Variants in NDE1 observed in about 807,000 individuals in gnomAD.
NDE1 encodes the protein nudE neurodevelopment protein 1, also known as nuclear distribution protein nudE homolog 1.
Under a neutral mutation model 43.4 loss-of-function variants are expected in NDE1, and 28 were observed. The observed-to-expected ratio is 0.65, with a 90% confidence interval of 0.48 to 0.89. The LOEUF is 0.89. Ranked by LOEUF, NDE1 falls within the 40% of genes least tolerant of loss-of-function variation. The pLI, the probability that NDE1 is intolerant of heterozygous loss-of-function variation, is 0.00. For missense variants in NDE1, 441 were observed against 434.1 expected (o/e 1.02, Z -0.14); for synonymous variants, 184 against 172.0 (o/e 1.07, Z -0.55).
At chr16:15,707,485 A>G (rs1010552278) in intron 8 of NDE1, among the ~76,000 whole-genome samples, 9 of 152,166 alleles carry the variant, frequency 5.9e-5, no homozygotes, top group Non-Finnish European at 1.2e-4. Context: ...TATGATCCCA[A>G]TCAGCTGGTA....
intron 1 of NDE1, among the ~76,000 whole-genome samples, chr16:15,644,678 G>A (rs2036273803): frequency 1.3e-5 from 2 of 152,278 alleles, no homozygotes; most frequent in Middle Eastern, 3.4e-3. Context: ...TTTCCAAGTG[G>A]AGATTAGAAT....
Position 15,724,822 on chromosome 16 carries a change from T to C in NDE1, c.*571T>C. Reference sequence around the variant, plus strand: ...CTCCTGCAAAAGGGATGCAAAGAGGTCCCAGGGACCTGCCCCGAGGAAGGC... The same window carrying C: ...CTCCTGCAAAAGGGATGCAAAGAGGCCCCAGGGACCTGCCCCGAGGAAGGC... On this transcript the variant is annotated 3_prime_UTR_variant, in exon 9 of 9. Coordinates refer to ENST00000396354, the MANE Select transcript of NDE1 (RefSeq NM_017668.3). The C allele has an allele frequency of 6.2e-7, 1 of 1,612,744 alleles. No individual in the cohort carries two copies. The highest frequency in any genetic ancestry group is 8.5e-7 in the Non-Finnish European group (1 of 1,179,810).
At chr16:15,721,476 C>A in intron 8 of NDE1, 1 of 1,614,192 alleles carries the variant, frequency 6.2e-7, no homozygotes, top group Non-Finnish European at 8.5e-7. Flanking sequence ...CGGCTTTGAG[C>A]ATTTTGTTGG....
intron 8 of NDE1, chr16:15,703,129 A>C: frequency 5.5e-6 from 1 of 182,642 alleles, no homozygotes; most frequent in Non-Finnish European, 1.2e-5. Context: ...AGAAAAGCCA[A>C]CGACATTGTG....
intron 4 of NDE1, chr16:15,687,052 G>C (rs1027395789): frequency 2.5e-6 from 3 of 1,219,444 alleles, no homozygotes; most frequent in Non-Finnish European, 3.1e-6. Flanking sequence ...AGAAGATGGA[G>C]CATAGTGGTC....
At chr16:15,660,474 T>TA (rs34754504) in intron 1 of NDE1, among the ~76,000 whole-genome samples, 3,920 of 150,358 alleles carry the variant, frequency 0.026, 104 homozygotes, top group African/African-American at 0.065. Context: ...CCCTATCTCT[T>TA]AAAAAAAAAA....
chr16:15,696,788 G>A lies in NDE1; in HGVS notation c.875G>A (p.Gly292Glu), dbSNP rs749016432. 1 of 1,614,198 alleles carries A rather than the reference G, an allele frequency of 6.2e-7. No individual in the cohort carries two copies. Among genetic ancestry groups the A allele is most frequent in the South Asian group, 1.1e-5 (1 of 91,086 alleles). ...SPNRTGGPAS[G>E]RSSKNRDGGE... The stretch of plus-strand genomic sequence containing the variant: ...AACCGAACAGGTGGCCCAGCCTCTG[G>A]GCGGAGCAGCAAGAACAGAGATGGC... Residue 292 changes from glycine (G) to glutamate (E), a missense_variant, in exon 8 of 9, where the codon GGG becomes GAG. Coordinates refer to ENST00000396354, the MANE Select transcript of NDE1 (RefSeq NM_017668.3).
rs199730431 is a variant in NDE1, at chr16:15,696,745, G to T, written c.832G>T (p.Val278Leu). Residue 278 changes from valine (V) to leucine (L), a missense_variant, in exon 8 of 9, where the codon GTG becomes TTG. Physicochemically the swap from Val to Leu is conservative, Grantham distance 32 (BLOSUM62 1). Transcript: ENST00000396354. ...ESKLASCRNL[V>L]YDQSPNRTGG... ...CAAACTCGCTTCCTGCCGGAACCTC[G>T]TGTACGATCAGTCCCCAAACCGAAC... The T allele has an allele frequency of 3.7e-6, 6 of 1,614,206 alleles. No individual in the cohort carries two copies. The Admixed American group carries it at 6.7e-5, about 18-fold the overall frequency.
At chr16:15,678,020 T>C in intron 4 of NDE1, 71 bp downstream of exon 4, 1 of 1,574,756 alleles carries the variant, frequency 6.4e-7, no homozygotes, top group Non-Finnish European at 8.7e-7. Context: ...AGCTGGGTAC[T>C]GGGCCCTGTG....
At chr16:15,668,511 T>A (rs2037429517) in intron 3 of NDE1, among the ~76,000 whole-genome samples, 2 of 152,250 alleles carry the variant, frequency 1.3e-5, no homozygotes, top group South Asian at 4.1e-4. Context: ...GCAGTCCTCC[T>A]GCCTTGGCCT....
chr16:15,692,555 T>G (rs1251225535), intron 6 of NDE1, among the ~76,000 whole-genome samples: 3 of 149,578 alleles, frequency 2.0e-5, no homozygotes, highest in Middle Eastern at 3.6e-3. Context: ...GAATTACAGG[T>G]GCCCACCACC....
intron 4 of NDE1, among the ~76,000 whole-genome samples, chr16:15,681,542 T>C (rs1045557697): frequency 1.3e-5 from 2 of 152,106 alleles, no homozygotes; most frequent in Non-Finnish European, 2.9e-5. Flanking sequence ...ATTATAGGCA[T>C]GAGCCACCAT....
rs1596675911 is a variant in NDE1, at chr16:15,708,964, T to G, written c.947+12104T>G. 31 of 1,038,748 alleles carry G rather than the reference T, an allele frequency of 3.0e-5. No homozygotes were observed. The East Asian group carries it at 8.0e-4, about 27-fold the overall frequency. The allele number at this position is 1,038,748 out of a possible 1,614,324, so 64.3% of individuals were successfully genotyped here. A position where few individuals can be genotyped will look rare whatever the true frequency, so the allele number is the denominator to read the frequency against. On this transcript the variant is annotated intron_variant, in intron 8 of 8. Coordinates refer to ENST00000396354, the MANE Select transcript of NDE1 (RefSeq NM_017668.3). ...AATAATTAAAGGCACTCTTTTTTATTTTGAGATAGTCTCTGTCACCCAGGC... is the reference window on the plus strand; with the variant it reads ...AATAATTAAAGGCACTCTTTTTTATGTTGAGATAGTCTCTGTCACCCAGGC...
chr16:15,666,996 A>G (rs2037339213), intron 2 of NDE1, among the ~76,000 whole-genome samples: 2 of 152,206 alleles, frequency 1.3e-5, no homozygotes, highest in South Asian at 4.1e-4. Flanking sequence ...CTGTAATCCC[A>G]GCACTTTGAG....
chr16:15,643,430 A>G, exon 1 of NDE1: 1 of 458,090 alleles, frequency 2.2e-6, no homozygotes, highest in Non-Finnish European at 4.5e-6. Flanking sequence ...GTCGAAAGGA[A>G]CCTTGAAGCG....
At chr16:15,714,766 G>A in intron 8 of NDE1, 3 of 1,086,280 alleles carry the variant, frequency 2.8e-6, no homozygotes, top group Non-Finnish European at 4.1e-6. Flanking sequence ...TAAGCTTAGT[G>A]ATTAAGGAGA....
chr16:15,711,436 A>T (rs1015196333), intron 8 of NDE1, among the ~76,000 whole-genome samples: 4 of 152,228 alleles, frequency 2.6e-5, no homozygotes, highest in Admixed American at 6.5e-5. Flanking sequence ...ATAGCTAGAT[A>T]TTGAACTTGA....
At position 15,678,604 on chromosome 16, in the gene NDE1, G is replaced by A. The variant is rs577446286; in HGVS notation, c.386+655G>A. Reference sequence around the variant, plus strand: ...GGTCTCAAACTCCTTAGCCTCCAAAGTGCTGTGATTACAGGTGTGAGCCAC... The same window carrying A: ...GGTCTCAAACTCCTTAGCCTCCAAAATGCTGTGATTACAGGTGTGAGCCAC... On this transcript the variant is annotated intron_variant, in intron 4 of 8. Transcript: ENST00000396354. Among the ~76,000 whole-genome samples the A allele has an allele frequency of 4.1e-4, 63 of 152,156 alleles. 1 individual carries two copies. The South Asian group carries it at 0.013, about 31-fold the overall frequency.
intron 8 of NDE1, among the ~76,000 whole-genome samples, chr16:15,709,453 T>C (rs2039656676): frequency 6.6e-6 from 1 of 152,148 alleles, no homozygotes; most frequent in African/African-American, 2.4e-5. Context: ...TAGCTGGGAT[T>C]ACAGGCATGC....
Sources: gnomAD v4.1 joint callset for allele counts (sites outside exome capture counted in the v4.1 genomes callset) on GRCh38, gnomAD v4.1.1 for gene constraint, MANE v1.5 for transcripts, NCBI Gene and HGNC (gene_info 2026-07-23, HGNC 2026-07-21) for gene names.